HYCC1: variants seen among roughly 807,000 people sequenced by gnomAD.
The protein encoded by HYCC1 is hyccin PI4KA lipid kinase complex subunit 1, also known as hyccin.
the HYCC1 span, chr7:23,013,987 C>T: frequency 1.3e-5 from 6 of 471,092 alleles, no homozygotes; most frequent in Admixed American, 1.2e-4. Context: ...GCGACAGCGA[C>T]GGAGGCTGCT....
the HYCC1 span, among the ~76,000 whole-genome samples, chr7:23,007,244 T>C: frequency 6.6e-6 from 1 of 152,140 alleles, no homozygotes; most frequent in Admixed American, 6.5e-5. Context: ...CTCAGTAATA[T>C]GGGGTGAAGA....
the HYCC1 span, among the ~76,000 whole-genome samples, chr7:22,987,357 C>T: frequency 6.6e-6 from 1 of 152,088 alleles, no homozygotes; most frequent in Non-Finnish European, 1.5e-5. Flanking sequence ...AGACCAGCCT[C>T]GCTAACACGG....
the HYCC1 span, among the ~76,000 whole-genome samples, chr7:22,972,565 CAGAA>C: frequency 2.0e-5 from 3 of 152,176 alleles, no homozygotes; most frequent in African/African-American, 7.2e-5. Context: ...AAATGTCCAA[CAGAA>C]AGAAATCATT....
chr7:22,978,021 A>C, the HYCC1 span: 1 of 581,876 alleles, frequency 1.7e-6, no homozygotes, highest in Non-Finnish European at 3.0e-6. Flanking sequence ...ATATTTTCAG[A>C]TATCTCTATA....
chr7:22,953,807 T>C, the HYCC1 span, among the ~76,000 whole-genome samples: 2 of 151,834 alleles, frequency 1.3e-5, no homozygotes, highest in Non-Finnish European at 2.9e-5. Context: ...GGAAAGAAAA[T>C]CTGTTCCTCA....
chr7:22,923,114 A>G, the HYCC1 span, among the ~76,000 whole-genome samples: 1 of 152,204 alleles, frequency 6.6e-6, no homozygotes, highest in African/African-American at 2.4e-5. Flanking sequence ...AAATACTCAT[A>G]TTTAAGTGTG....
chr7:23,012,828 A>G, the HYCC1 span, among the ~76,000 whole-genome samples: 1 of 152,316 alleles, frequency 6.6e-6, no homozygotes, highest in African/African-American at 2.4e-5. Flanking sequence ...GAAAACCTCA[A>G]ACTGTAAAGT....
chr7:22,994,151 G>A, the HYCC1 span, among the ~76,000 whole-genome samples: 3 of 152,134 alleles, frequency 2.0e-5, no homozygotes, highest in African/African-American at 4.8e-5. Flanking sequence ...GGCTACAGCA[G>A]GTATTTTTTA....
At chr7:22,996,443 T>C in the HYCC1 span, among the ~76,000 whole-genome samples, 2 of 151,790 alleles carry the variant, frequency 1.3e-5, no homozygotes, top group South Asian at 2.1e-4. Context: ...AGGAGGTACA[T>C]GTGCAGGTTT....
the HYCC1 span, among the ~76,000 whole-genome samples, chr7:22,930,086 G>A: frequency 7.0e-4 from 104 of 148,942 alleles, 1 homozygote; most frequent in Non-Finnish European, 2.4e-4. Context: ...GCAAACTATC[G>A]CAAGGACAAA....
At chr7:22,968,503 A>G in the HYCC1 span, among the ~76,000 whole-genome samples, 1 of 152,156 alleles carries the variant, frequency 6.6e-6, no homozygotes, top group Non-Finnish European at 1.5e-5. Context: ...ATAAATATCT[A>G]CTTTAAGTTA....
the HYCC1 span, chr7:22,960,432 T>C: frequency 1.2e-5 from 20 of 1,602,832 alleles, no homozygotes; most frequent in Admixed American, 1.7e-5. Flanking sequence ...AGAAAAAATA[T>C]AGTTTAAGAT....
the HYCC1 span, chr7:22,936,254 A>G: frequency 6.6e-6 from 1 of 152,228 alleles, no homozygotes; most frequent in South Asian, 2.1e-4. Flanking sequence ...GATATAATCA[A>G]TCTGCCACTA....
the HYCC1 span, among the ~76,000 whole-genome samples, chr7:22,975,896 T>C: frequency 6.9e-4 from 105 of 152,230 alleles, no homozygotes; most frequent in African/African-American, 2.5e-3. Flanking sequence ...TTTTAAAATT[T>C]GTTATAGAGA....
At chr7:22,951,569 C>CATAAA in the HYCC1 span, among the ~76,000 whole-genome samples, 59,929 of 151,194 alleles carry the variant, frequency 0.4, 11,795 homozygotes, top group East Asian at 0.5. Context: ...TTTTAAATGC[C>CATAAA]ATACCAGAAC....
At chr7:22,997,297 C>T in the HYCC1 span, among the ~76,000 whole-genome samples, 98,718 of 151,938 alleles carry the variant, frequency 0.65, 32,034 homozygotes, top group Non-Finnish European at 0.66. Context: ...TTATTCCTAT[C>T]TTTTACATCA....
the HYCC1 span, among the ~76,000 whole-genome samples, chr7:22,929,953 C>A: frequency 9.2e-5 from 14 of 151,988 alleles, no homozygotes; most frequent in Non-Finnish European, 1.8e-4. Flanking sequence ...AAATGTCCAA[C>A]AATGATAGAC....
the HYCC1 span, among the ~76,000 whole-genome samples, chr7:22,916,191 T>C: frequency 6.6e-6 from 1 of 151,952 alleles, no homozygotes; most frequent in African/African-American, 2.4e-5. Flanking sequence ...TCCTTACAAT[T>C]CCCCCATTTT....
chr7:23,002,171 T>TATAC, the HYCC1 span, among the ~76,000 whole-genome samples: 1 of 92,880 alleles, frequency 1.1e-5, no homozygotes, highest in Non-Finnish European at 2.1e-5. Context: ...TATATATATA[T>TATAC]ATATACATAT....
Sources: gnomAD v4.1 joint callset for allele counts (sites outside exome capture counted in the v4.1 genomes callset) on GRCh38, gnomAD v4.1.1 for gene constraint, MANE v1.5 for transcripts, NCBI Gene and HGNC (gene_info 2026-07-23, HGNC 2026-07-21) for gene names.